The following SLIT3 variants were observed in gnomAD, a reference collection of about 807,000 sequenced individuals.
The protein encoded by SLIT3 is slit guidance ligand 3, also known as slit homolog 3 protein.
Under a neutral mutation model 184.0 loss-of-function variants are expected in SLIT3, and 68 were observed. The observed-to-expected ratio is 0.37, with a 90% CI of 0.30 to 0.45. The LOEUF is 0.45. Among genes scored for constraint, SLIT3 ranks in the 20% least tolerant of loss-of-function variants. The pLI, the probability that SLIT3 is intolerant of heterozygous loss-of-function variation, is 1.00. For missense variants in SLIT3, 1,707 were observed against 2,026.0 expected, an observed-to-expected ratio of 0.84 and a Z score of 3.02; for synonymous variants, 831 against 828.6, an observed-to-expected ratio of 1.00 and a Z score of -0.05.
chr5:168,978,031 G>T (rs1754827686), intron 4 of SLIT3, among the ~76,000 whole-genome samples: 1 of 152,182 alleles, frequency 6.6e-6, no homozygotes, highest in Non-Finnish European at 1.5e-5. Flanking sequence ...CAGGACTCCT[G>T]TTGGGGCAAC....
At chr5:169,059,320 C>T (rs1758105993) in intron 4 of SLIT3, among the ~76,000 whole-genome samples, 1 of 152,172 alleles carries the variant, frequency 6.6e-6, no homozygotes. Flanking sequence ...TTCACACATA[C>T]TCCAGAATGA....
intron 4 of SLIT3, among the ~76,000 whole-genome samples, chr5:169,004,355 G>T (rs1755834972): frequency 6.6e-6 from 1 of 152,204 alleles, no homozygotes; most frequent in Non-Finnish European, 1.5e-5. Flanking sequence ...GGCTGCCAGG[G>T]TAAATCACTG....
chr5:168,724,624 A>C (rs953032330), intron 20 of SLIT3, 140 bp from the exon 21 acceptor site: 28 of 506,084 alleles, frequency 5.5e-5, no homozygotes, highest in Non-Finnish European at 9.4e-5. Context: ...ACTTCAAAGC[A>C]TTACTATATT....
intron 4 of SLIT3, among the ~76,000 whole-genome samples, chr5:168,946,484 C>T (rs1180805583): frequency 1.3e-5 from 2 of 152,346 alleles, no homozygotes; most frequent in South Asian, 2.1e-4. Flanking sequence ...CAAGGGGCAG[C>T]GGCTGTTAGG....
intron 4 of SLIT3, among the ~76,000 whole-genome samples, chr5:169,148,839 T>C (rs1182941410): frequency 1.3e-5 from 2 of 151,722 alleles, no homozygotes; most frequent in Non-Finnish European, 2.9e-5. Flanking sequence ...CATAAACTGC[T>C]CTCCAAGACA....
intron 4 of SLIT3, among the ~76,000 whole-genome samples, chr5:169,085,026 G>A (rs1171823953): frequency 2.0e-5 from 3 of 152,196 alleles, no homozygotes; most frequent in Non-Finnish European, 4.4e-5. Context: ...CGTTTTACAA[G>A]TTTAACAGCA....
chr5:168,925,664 TAAA>T (rs79576362), intron 4 of SLIT3, among the ~76,000 whole-genome samples: 3 of 137,528 alleles, frequency 2.2e-5, no homozygotes, highest in Non-Finnish European at 1.6e-5. Flanking sequence ...TCTGCCCTGT[TAAA>T]AAAAAAAAAA....
chr5:169,120,606 A>G (rs1256522929), intron 4 of SLIT3, among the ~76,000 whole-genome samples: 10 of 152,140 alleles, frequency 6.6e-5, no homozygotes, highest in Admixed American at 6.5e-4. Flanking sequence ...ACTGTAAGAG[A>G]CTCAGTTTGT....
intron 4 of SLIT3, chr5:169,026,746 C>T (rs866611917): frequency 7.2e-5 from 11 of 151,788 alleles, no homozygotes; most frequent in East Asian, 3.9e-4. Context: ...ATAATTTTAG[C>T]GCCTAAAACA....
chr5:168,843,151 G>T (rs1268778064), intron 6 of SLIT3, among the ~76,000 whole-genome samples: 1 of 152,066 alleles, frequency 6.6e-6, no homozygotes, highest in Non-Finnish European at 1.5e-5. Context: ...GGAATTCTCG[G>T]CTTTCATCCG....
At chr5:169,154,401 G>A (rs1184867772) in intron 4 of SLIT3, among the ~76,000 whole-genome samples, 1 of 152,196 alleles carries the variant, frequency 6.6e-6, no homozygotes, top group Non-Finnish European at 1.5e-5. Context: ...AGTTCTGCCT[G>A]CTGCCATCCT....
intron 4 of SLIT3, among the ~76,000 whole-genome samples, chr5:168,969,450 C>T (rs1189606204): frequency 1.3e-5 from 2 of 152,316 alleles, no homozygotes; most frequent in South Asian, 2.1e-4. Context: ...TGGCCACAGG[C>T]GGTTCTGTTG....
At chr5:168,974,062 A>G (rs1403931463) in intron 4 of SLIT3, among the ~76,000 whole-genome samples, 1 of 151,888 alleles carries the variant, frequency 6.6e-6, no homozygotes, top group Non-Finnish European at 1.5e-5. Flanking sequence ...AGAAGCTGGC[A>G]TCTCTCTCTC....
At chr5:168,777,754 A>G (rs756751282) in intron 12 of SLIT3, among the ~76,000 whole-genome samples, 1 of 152,084 alleles carries the variant, frequency 6.6e-6, no homozygotes, top group Non-Finnish European at 1.5e-5. Flanking sequence ...GATAAAATTA[A>G]GCTGCTTATC....
chr5:169,051,331 AAG>A, intron 4 of SLIT3, among the ~76,000 whole-genome samples: 1 of 152,124 alleles, frequency 6.6e-6, no homozygotes, highest in Admixed American at 6.6e-5. Context: ...CTGTATATAA[AAG>A]AGTAAATCAG....
intron 4 of SLIT3, among the ~76,000 whole-genome samples, chr5:169,062,159 G>A (rs1561638600): frequency 1.3e-5 from 2 of 152,036 alleles, no homozygotes; most frequent in South Asian, 2.1e-4. Flanking sequence ...ACTCCAGCCT[G>A]GGCGACAGAG....
In SLIT3 at chr5:168,685,890, G is replaced by A. The variant is rs767910294; in HGVS notation, c.3352C>T (p.Leu1118=). The change falls in exon 31 of 36, where the codon CTG becomes TTG. Residue 1118 remains leucine, a synonymous_variant. Transcript: ENST00000519560. ...FCEHPPPMVL[L]QTSPCDQYEC... Reference sequence around the variant, plus strand: ...TACTGGTCGCATGGGCTGGTCTGCAGTAGGACCATGGGTGGGGGGTGTTCA... The same window carrying A: ...TACTGGTCGCATGGGCTGGTCTGCAATAGGACCATGGGTGGGGGGTGTTCA... 1 of 1,613,542 alleles carries A rather than the reference G, an allele frequency of 6.2e-7. No homozygotes were observed. Among genetic ancestry groups the A allele is most frequent in the African/African-American group, 1.3e-5 (1 of 75,070 alleles).
chr5:169,018,851 T>G (rs1351813850), intron 4 of SLIT3: 3 of 152,200 alleles, frequency 2.0e-5, no homozygotes, highest in African/African-American at 7.2e-5. Flanking sequence ...GACTACATCT[T>G]TGGAACGGGA....
chr5:169,154,488 T>G (rs1012353317), intron 4 of SLIT3, among the ~76,000 whole-genome samples: 23 of 152,242 alleles, frequency 1.5e-4, no homozygotes, highest in Non-Finnish European at 5.9e-5. Flanking sequence ...CAGACACATC[T>G]CATTGCTGAG....
Sources: allele counts gnomAD v4.1 joint callset (sites outside exome capture counted in the v4.1 genomes callset), GRCh38; gene constraint gnomAD v4.1.1; transcripts MANE v1.5; gene names NCBI Gene and HGNC (gene_info 2026-07-23, HGNC 2026-07-21).